Variants in GCSH observed in about 807,000 individuals in gnomAD.
GCSH encodes glycine cleavage system H protein, mitochondrial.
A neutral mutation model predicts 21.3 loss-of-function variants in GCSH; 15 were observed. That is an observed-to-expected ratio of 0.70 (90% CI 0.47 to 1.08). The LOEUF (loss-of-function observed/expected upper bound fraction) is 1.08. Ranked by LOEUF, GCSH falls within the 50% of genes least tolerant of loss-of-function variation. GCSH has a pLI of 0.00. For synonymous variants in GCSH, 59 were observed against 84.5 expected (o/e 0.70, Z 1.66); for missense variants, 179 against 217.5 (o/e 0.82, Z 1.11).
intron 4 of GCSH, chr16:81,084,238 C>A: frequency 1.7e-6 from 1 of 604,242 alleles, no homozygotes; most frequent in Non-Finnish European, 2.9e-6. Context: ...CTTGGCCTCC[C>A]AAAGTGCTGG....
chr16:81,096,379 G>A lies in GCSH; in HGVS notation c.-101C>T, dbSNP rs1234909611. ...CGCGGCCGGAGGGAGCCGGCTGGAT[G>A]GAGGCGCGGAGGCGGTGCCGCGGGG... On this transcript the variant is annotated 5_prime_UTR_variant, in exon 1 of 5. Coordinates refer to ENST00000315467, the MANE Select transcript of GCSH (RefSeq NM_004483.5). 3 of 956,748 alleles carry A rather than the reference G, an allele frequency of 3.1e-6. No homozygotes were observed. The highest frequency in any genetic ancestry group is 3.5e-5 in the East Asian group (1 of 28,484). The allele number at this position is 956,748 out of a possible 1,614,324, so 59.3% of individuals were successfully genotyped here.
chr16:81,096,205 G>C lies in GCSH; in HGVS notation c.74C>G (p.Pro25Arg). ...TLRAVPSPAA[P>R]CPPRPWQLGV... ...CAGCTGCCAGGGCCTCGGCGGGCAG[G>C]GCGCGGCGGGTGACGGGACCGCGCG... The change falls in exon 1 of 5, where the codon CCC becomes CGC. Residue 25 changes from proline to arginine, a missense_variant. Transcript: ENST00000315467. 7.6e-7 allele frequency: 1 copy of C among 1,318,544 alleles called. No homozygotes were observed. Among genetic ancestry groups the C allele is most frequent in the Non-Finnish European group, 9.6e-7 (1 of 1,040,042 alleles). The allele number at this position is 1,318,544 out of a possible 1,614,324, so 81.7% of individuals were successfully genotyped here.
At chr16:81,084,292 A>T (rs576097010) in intron 4 of GCSH, 171 bp downstream of exon 4, 2 of 682,422 alleles carry the variant, frequency 2.9e-6, no homozygotes, top group Middle Eastern at 2.5e-4. Flanking sequence ...AATCTTAAAC[A>T]TAACTTTAAG....
At position 81,082,841 on chromosome 16, in the gene GCSH, A is replaced by G. The variant is rs1422021188; in HGVS notation, c.*25T>C. ...ACTCTGCTGGCTTGCGTTATTTCAT[A>G]CTAGTTTATTTAGGAGTTCCATTTT... On this transcript the variant is annotated 3_prime_UTR_variant, in exon 5 of 5. Transcript: ENST00000315467. The G allele has an allele frequency of 2.5e-5, 24 of 974,056 alleles. No individual in the cohort carries two copies. The highest frequency in any genetic ancestry group is 2.0e-5 in the Non-Finnish European group (12 of 599,906). The allele number at this position is 974,056 out of a possible 1,614,324, so 60.3% of individuals were successfully genotyped here.
At chr16:81,095,436 G>A (rs1422505516) in intron 1 of GCSH, among the ~76,000 whole-genome samples, 1 of 150,406 alleles carries the variant, frequency 6.6e-6, no homozygotes, top group Non-Finnish European at 1.5e-5. Context: ...AGGCTGGAGT[G>A]CAGTGGCGCG....
chr16:81,093,847 T>C (rs985480424), intron 1 of GCSH, among the ~76,000 whole-genome samples: 1 of 152,128 alleles, frequency 6.6e-6, no homozygotes, highest in Non-Finnish European at 1.5e-5. Flanking sequence ...CAATGATTAG[T>C]ACAATTCTCC....
chr16:81,082,125 A>AT lies in GCSH; in HGVS notation c.*740dup. On this transcript the variant is annotated 3_prime_UTR_variant, in exon 5 of 5. Transcript: ENST00000315467. The stretch of plus-strand genomic sequence containing the variant: ...GATAGAAAATCAAAGTTGGTGATTT[A>AT]TTTTTTATTATGTTAAAGGTGACAG... 2.2e-6 allele frequency: 1 copy of AT among 453,982 alleles called. No homozygotes were observed. The highest frequency in any genetic ancestry group is 1.6e-5 in the South Asian group (1 of 64,484). The allele number at this position is 453,982 out of a possible 1,614,324, so 28.1% of individuals were successfully genotyped here. A position where few individuals can be genotyped will look rare whatever the true frequency, so the allele number is the denominator to read the frequency against.
chr16:81,085,133 G>C (rs1045396492), intron 3 of GCSH, among the ~76,000 whole-genome samples: 1 of 149,208 alleles, frequency 6.7e-6, no homozygotes, highest in Non-Finnish European at 1.5e-5. Context: ...TCCTGCCTCA[G>C]CCTCCCAAGT....
At chr16:81,085,019 T>TTA in intron 3 of GCSH, among the ~76,000 whole-genome samples, 1 of 145,996 alleles carries the variant, frequency 6.8e-6, no homozygotes, top group African/African-American at 2.5e-5. Context: ...CTGGCTCTTT[T>TTA]TTTTTTTTTT....
Position 81,082,250 on chromosome 16 carries a change from G to C in GCSH, c.*616C>G. On this transcript the variant is annotated 3_prime_UTR_variant, in exon 5 of 5. Coordinates refer to ENST00000315467, the MANE Select transcript of GCSH (RefSeq NM_004483.5). ...ATTTCCTTTTAAAAAGTAACTTTCCGTAAGTTAAAGTTAGCACTTTCACAA... is the reference window on the plus strand; with the variant it reads ...ATTTCCTTTTAAAAAGTAACTTTCCCTAAGTTAAAGTTAGCACTTTCACAA... 1 of 452,630 alleles carries C rather than the reference G, an allele frequency of 2.2e-6. No homozygotes were observed. Among genetic ancestry groups the C allele is most frequent in the Non-Finnish European group, 4.4e-6 (1 of 226,038 alleles). The allele number at this position is 452,630 out of a possible 1,614,324, so 28.0% of individuals were successfully genotyped here. A position where few individuals can be genotyped will look rare whatever the true frequency, so the allele number is the denominator to read the frequency against.
rs760136946 is a variant in GCSH at position 81,090,752 on chromosome 16, C to T, written c.149-72G>A. ...TAAGAAGCACTTTTCATTACCATTG[C>T]TTTCAAAAGACTTTCCCAGAATTTC... On this transcript the variant is annotated intron_variant, in intron 1 of 4. Coordinates refer to ENST00000315467, the MANE Select transcript of GCSH (RefSeq NM_004483.5). 2.2e-4 allele frequency: 226 copies of T among 1,050,292 alleles called. 2 individuals are homozygous for T. Among genetic ancestry groups the T allele is most frequent in the Middle Eastern group, 2.0e-4 (1 of 5,030 alleles). 65.1% of individuals were successfully genotyped at this position (1,050,292 alleles called of 1,614,324 possible). A position where few individuals can be genotyped will look rare whatever the true frequency, so the allele number is the denominator to read the frequency against.
At chr16:81,085,293 G>A (rs541510423) in intron 3 of GCSH, among the ~76,000 whole-genome samples, 27 of 152,242 alleles carry the variant, frequency 1.8e-4, no homozygotes, top group East Asian at 5.8e-4. Context: ...GATTATAACC[G>A]TGAGCCACCG....
At chr16:81,089,422 T>C (rs756955406) in intron 2 of GCSH, among the ~76,000 whole-genome samples, 18 of 151,640 alleles carry the variant, frequency 1.2e-4, no homozygotes, top group Admixed American at 9.2e-4. Flanking sequence ...TACTGTACCT[T>C]TTCTGTGTTT....
At position 81,082,116 on chromosome 16, in the gene GCSH, TG is replaced by T. The variant is rs1240428726; in HGVS notation, c.*749del. Reference sequence around the variant, plus strand: ...ACCTCGCATGATAGAAAATCAAAGTTGGTGATTTATTTTTTATTATGTTAAA... The same window carrying T: ...ACCTCGCATGATAGAAAATCAAAGTTGTGATTTATTTTTTATTATGTTAAA... On this transcript the variant is annotated 3_prime_UTR_variant, in exon 5 of 5. Coordinates refer to ENST00000315467, the MANE Select transcript of GCSH (RefSeq NM_004483.5). 1 of 453,978 alleles carries T rather than the reference TG, an allele frequency of 2.2e-6. No homozygotes were observed. The highest frequency in any genetic ancestry group is 4.4e-6 in the Non-Finnish European group (1 of 226,794). The allele number at this position is 453,978 out of a possible 1,614,324, so 28.1% of individuals were successfully genotyped here. A position where few individuals can be genotyped will look rare whatever the true frequency, so the allele number is the denominator to read the frequency against.
intron 2 of GCSH, among the ~76,000 whole-genome samples, chr16:81,090,011 C>A (rs1972365814): frequency 6.6e-6 from 1 of 152,078 alleles, no homozygotes; most frequent in South Asian, 2.1e-4. Flanking sequence ...AAGCTTGCAA[C>A]ATCTCTTAAA....
chr16:81,096,290 T>C lies in GCSH; in HGVS notation c.-12A>G, dbSNP rs1316693171. On this transcript the variant is annotated 5_prime_UTR_variant, in exon 1 of 5. Coordinates refer to ENST00000315467, the MANE Select transcript of GCSH (RefSeq NM_004483.5). ...ACTCGCAGCGCCATGTTCGCAGGGG[T>C]GCGGGGGTCGCAGCGCTACGCCTCG... 4.4e-6 allele frequency: 6 copies of C among 1,363,490 alleles called. No homozygotes were observed. The South Asian group carries it at 5.2e-5, about 12-fold the overall frequency. The allele number at this position is 1,363,490 out of a possible 1,614,324, so 84.5% of individuals were successfully genotyped here.
chr16:81,092,456 G>A (rs866890426), intron 1 of GCSH, among the ~76,000 whole-genome samples: 5 of 151,936 alleles, frequency 3.3e-5, no homozygotes, highest in South Asian at 2.1e-4. Flanking sequence ...TTATCATGTC[G>A]CAGGCCAGGC....
intron 4 of GCSH, chr16:81,084,035 C>T (rs147698403): frequency 1.3e-3 from 263 of 203,574 alleles, no homozygotes; most frequent in Non-Finnish European, 2.1e-3. Flanking sequence ...TGGAGTGGTG[C>T]GATCTTGGCT....
intron 2 of GCSH, among the ~76,000 whole-genome samples, chr16:81,089,365 T>C (rs1269254364): frequency 6.6e-6 from 1 of 152,172 alleles, no homozygotes; most frequent in Admixed American, 6.6e-5. Flanking sequence ...GTTTCAGATT[T>C]TTGGAGTATT....
Sources: gnomAD v4.1 joint callset for allele counts (sites outside exome capture counted in the v4.1 genomes callset) on GRCh38, gnomAD v4.1.1 for gene constraint, MANE v1.5 for transcripts, NCBI Gene and HGNC (gene_info 2026-07-23, HGNC 2026-07-21) for gene names.